ITPK1: variants seen among roughly 807,000 people sequenced by gnomAD.
The protein encoded by ITPK1 is inositol 1,3,4-trisphosphate 5/6-kinase.
ITPK1 carries 21 observed loss-of-function variants against 45.3 expected under a neutral mutation model. The observed-to-expected ratio is 0.46, with a 90% CI of 0.33 to 0.67. The LOEUF (loss-of-function observed/expected upper bound fraction) is 0.67. Among genes scored for constraint, ITPK1 ranks in the 30% least tolerant of loss-of-function variants. The pLI is 0.02. For missense variants in ITPK1, 474 were observed against 573.5 expected (o/e 0.83, Z 1.77); for synonymous variants, 258 against 253.6 (o/e 1.02, Z -0.16).
At chr14:92,993,355 A>G (rs1886887969) in intron 5 of ITPK1, among the ~76,000 whole-genome samples, 1 of 152,100 alleles carries the variant, frequency 6.6e-6, no homozygotes. Context: ...AGGGGTGGGG[A>G]GGCGTCAGGG....
Position 93,032,501 on chromosome 14 carries a change from A to C in ITPK1, c.121-15700T>G, listed in dbSNP as rs978158649. Among the ~76,000 whole-genome samples, 2 of 152,208 alleles carry C rather than the reference A, an allele frequency of 1.3e-5. No homozygotes were observed. The highest frequency in any genetic ancestry group is 4.8e-5 in the African/African-American group (2 of 41,454). On this transcript the variant is annotated intron_variant, in intron 3 of 10. Coordinates refer to ENST00000267615, the MANE Select transcript of ITPK1 (RefSeq NM_014216.6). The surrounding 1 kb of genome is among the most constrained non-coding windows in gnomAD (Gnocchi z 4.0). ...TCCTGCAGGACTTCTCAGATACTTT[A>C]ATATGTTCACTTGCACAGAGATTTG...
chr14:93,024,814 C>A (rs1888652743), intron 3 of ITPK1, among the ~76,000 whole-genome samples: 1 of 152,172 alleles, frequency 6.6e-6, no homozygotes, highest in Non-Finnish European at 1.5e-5. Context: ...CCCCAACACC[C>A]CCAGGTCCCT....
chr14:93,003,999 T>C (rs1887486172), intron 4 of ITPK1, among the ~76,000 whole-genome samples: 1 of 152,250 alleles, frequency 6.6e-6, no homozygotes, highest in Non-Finnish European at 1.5e-5. Context: ...TTCTGTGATG[T>C]GACGAACAAA....
chr14:92,942,863 C>T (rs10146805), intron 10 of ITPK1, among the ~76,000 whole-genome samples: 13,900 of 152,254 alleles, frequency 0.091, 777 homozygotes, highest in East Asian at 0.22. Context: ...CTTGGAGGGG[C>T]GGGAGTTTTC....
At chr14:93,100,558 CAG>C (rs752146253) in intron 2 of ITPK1, among the ~76,000 whole-genome samples, 5 of 142,594 alleles carry the variant, frequency 3.5e-5, no homozygotes, top group Non-Finnish European at 6.2e-5. Context: ...GAGAGAGAGA[CAG>C]AGAGAGAGAG....
chr14:93,092,724 T>C (rs1352711459), intron 2 of ITPK1, among the ~76,000 whole-genome samples: 1 of 152,218 alleles, frequency 6.6e-6, no homozygotes, highest in East Asian at 1.9e-4. Context: ...AAGCTGGGCC[T>C]AATGTGGTCC....
chr14:93,029,978 C>T (rs554604870), intron 3 of ITPK1, among the ~76,000 whole-genome samples: 3 of 152,316 alleles, frequency 2.0e-5, no homozygotes, highest in Admixed American at 6.5e-5. Context: ...GCTGCTACCC[C>T]CTTCCAGAAA....
chr14:92,999,145 AG>A (rs1425120280), intron 4 of ITPK1, among the ~76,000 whole-genome samples: 6 of 152,218 alleles, frequency 3.9e-5, no homozygotes, highest in Admixed American at 3.9e-4. Flanking sequence ...CTGTGCTCTG[AG>A]GAGAGCCTGT....
intron 3 of ITPK1, among the ~76,000 whole-genome samples, chr14:93,047,346 C>T (rs1889820260): frequency 6.6e-6 from 1 of 152,216 alleles, no homozygotes; most frequent in Admixed American, 6.5e-5. Context: ...TGTCCCCCAA[C>T]AAGATAAGCT....
At chr14:93,073,478 T>C (rs1347665433) in intron 3 of ITPK1, among the ~76,000 whole-genome samples, 1 of 152,188 alleles carries the variant, frequency 6.6e-6, no homozygotes, top group Admixed American at 6.5e-5. Flanking sequence ...AGTAAACCCA[T>C]GATGCCTGGT....
intron 4 of ITPK1, among the ~76,000 whole-genome samples, chr14:92,997,833 G>A (rs1463295230): frequency 2.0e-5 from 3 of 152,178 alleles, no homozygotes; most frequent in African/African-American, 4.8e-5. Flanking sequence ...GGGGCAGAGC[G>A]TCACGGTGCC....
At chr14:92,993,583 C>T (rs1886900291) in intron 5 of ITPK1, among the ~76,000 whole-genome samples, 1 of 152,184 alleles carries the variant, frequency 6.6e-6, no homozygotes, top group Non-Finnish European at 1.5e-5. Context: ...CACACTCCTG[C>T]TCTCCAGCCA....
rs574797287 is a variant in ITPK1, at chr14:92,939,026, G to T, written c.*2535C>A. The T allele has an allele frequency of 7.5e-4, 120 of 159,960 alleles. No homozygotes were observed. The highest frequency in any genetic ancestry group is 1.2e-3 in the Non-Finnish European group (91 of 73,088). The allele number at this position is 159,960 out of a possible 1,614,324, so 9.9% of individuals were successfully genotyped here. A position where few individuals can be genotyped will look rare whatever the true frequency, so the allele number is the denominator to read the frequency against. On this transcript the variant is annotated 3_prime_UTR_variant, in exon 11 of 11. Coordinates refer to ENST00000267615, the MANE Select transcript of ITPK1 (RefSeq NM_014216.6). ...CTGCAGGGCGCAGAGCCAACGTGCT[G>T]ACCAACTCAGAAGCAGAAGCTTAGG...
chr14:93,111,202 C>T (rs1325462998), intron 2 of ITPK1, among the ~76,000 whole-genome samples: 1 of 152,170 alleles, frequency 6.6e-6, no homozygotes, highest in Non-Finnish European at 1.5e-5. Flanking sequence ...TCTTCCGCCC[C>T]CACCTCCTGC....
chr14:92,981,705 G>A (rs752914734), intron 5 of ITPK1, among the ~76,000 whole-genome samples: 4 of 152,316 alleles, frequency 2.6e-5, no homozygotes, highest in South Asian at 2.1e-4. Context: ...AGACACACTC[G>A]CCCCTGTCCT....
rs570096255 is a variant in ITPK1, at chr14:93,063,534, C to T, written c.120+13061G>A. ...GTTTTAGAAGGCCTTCTCACTTGCC[C>T]TCCCCTCGTCTCAATCATCCATCTC... is the stretch of plus-strand genomic sequence containing the variant. On this transcript the variant is annotated intron_variant, in intron 3 of 10. Coordinates refer to ENST00000267615, the MANE Select transcript of ITPK1 (RefSeq NM_014216.6). The surrounding 1 kb of genome is among the most constrained non-coding windows in gnomAD (Gnocchi z 4.3). Among the ~76,000 whole-genome samples the T allele has an allele frequency of 6.6e-6, 1 of 152,328 alleles. No homozygotes were observed. The highest frequency in any genetic ancestry group is 6.5e-5 in the Admixed American group (1 of 15,298).
intron 2 of ITPK1, among the ~76,000 whole-genome samples, chr14:93,080,620 A>G (rs1891395954): frequency 6.6e-6 from 1 of 152,204 alleles, no homozygotes; most frequent in Non-Finnish European, 1.5e-5. Context: ...CGTGTGCTGC[A>G]GTGTTAACTG....
intron 8 of ITPK1, among the ~76,000 whole-genome samples, chr14:92,955,390 G>A (rs1884648721): frequency 6.6e-6 from 1 of 152,160 alleles, no homozygotes; most frequent in African/African-American, 2.4e-5. Context: ...ATAATGGAGG[G>A]AACCTGCATA....
At chr14:93,051,597 T>G (rs1407925339) in intron 3 of ITPK1, among the ~76,000 whole-genome samples, 2 of 148,590 alleles carry the variant, frequency 1.3e-5, no homozygotes, top group East Asian at 2.0e-4. Context: ...GCCTGGGTGA[T>G]GGATGAAACT....
Sources: allele counts gnomAD v4.1 joint callset (sites outside exome capture counted in the v4.1 genomes callset), GRCh38; gene constraint gnomAD v4.1.1; non-coding constraint Gnocchi (gnomAD v3.1); transcripts MANE v1.5; gene names NCBI Gene and HGNC (gene_info 2026-07-23, HGNC 2026-07-21).